The following RRP15 variants were observed in gnomAD, a reference collection of about 807,000 sequenced individuals.
The protein encoded by RRP15 is RRP15-like protein.
Under a neutral mutation model 27.1 loss-of-function variants are expected in RRP15, and 18 were observed. That is an observed-to-expected ratio of 0.66 (90% CI 0.46 to 0.98). RRP15 has a LOEUF of 0.98. Among genes scored for constraint, RRP15 ranks in the 50% least tolerant of loss-of-function variants. RRP15 has a pLI of 0.00. For synonymous variants in RRP15, 107 were observed against 109.4 expected, an observed-to-expected ratio of 0.98 and a Z score of 0.14; for missense variants, 359 against 337.8, an observed-to-expected ratio of 1.06 and a Z score of -0.49.
At position 218,307,648 on chromosome 1, in the gene RRP15, T is replaced by A; in HGVS notation, c.705+16T>A. 1 of 1,565,610 alleles carries A rather than the reference T, an allele frequency of 6.4e-7. No homozygotes were observed. Among genetic ancestry groups the A allele is most frequent in the Non-Finnish European group, 8.8e-7 (1 of 1,138,262 alleles). The stretch of plus-strand genomic sequence containing the variant: ...AGCCAAACAGGTAAAAACTTTTCTA[T>A]AGGATTCAGTGTATCAGACTTTCAG... On this transcript the variant is annotated intron_variant, in intron 4 of 4. Coordinates refer to ENST00000366932, the MANE Select transcript of RRP15 (RefSeq NM_016052.4).
intron 3 of RRP15, 132 bp from the exon 4 acceptor site, chr1:218,307,299 G>T: frequency 4.5e-6 from 3 of 659,952 alleles, no homozygotes; most frequent in South Asian, 2.3e-5. Flanking sequence ...CACTTATCCC[G>T]TTCTTTCCTT....
chr1:218,288,398 G>C (rs1402562232), intron 1 of RRP15, among the ~76,000 whole-genome samples: 1 of 152,186 alleles, frequency 6.6e-6, no homozygotes, highest in Admixed American at 6.5e-5. Context: ...AATAACAATA[G>C]TTATACTTTT....
Position 218,307,613 on chromosome 1 carries a change from A to G in RRP15, c.686A>G (p.Lys229Arg). ...ACAAATGAGACTGCTTCAAGCAGGA[A>G]GAAACCAAAAGCCAAACAGGTAAAA... ...GSTNETASSR[K>R]KPKAKQTEVK... The change falls in exon 4 of 5, where the codon AAG becomes AGG. Residue 229 changes from lysine (K) to arginine (R), a missense_variant. Lys to Arg is a conservative substitution (Grantham distance 26). Coordinates refer to ENST00000366932, the MANE Select transcript of RRP15 (RefSeq NM_016052.4). 1 of 1,613,628 alleles carries G rather than the reference A, an allele frequency of 6.2e-7. No individual in the cohort carries two copies. The highest frequency in any genetic ancestry group is 8.5e-7 in the Non-Finnish European group (1 of 1,179,744).
At chr1:218,305,271 A>G (rs1318486944) in intron 3 of RRP15, 146 bp downstream of exon 3, 1 of 595,504 alleles carries the variant, frequency 1.7e-6, no homozygotes, top group East Asian at 3.0e-5. Flanking sequence ...ACTGAATTCA[A>G]CCAAAGATTT....
intron 1 of RRP15, among the ~76,000 whole-genome samples, chr1:218,291,207 G>C (rs1354394232): frequency 6.6e-6 from 1 of 151,986 alleles, no homozygotes; most frequent in African/African-American, 2.4e-5. Flanking sequence ...GGAGGCCAAG[G>C]TGGGCAGATC....
intron 1 of RRP15, among the ~76,000 whole-genome samples, chr1:218,297,086 G>T (rs557136992): frequency 6.6e-6 from 1 of 152,288 alleles, no homozygotes; most frequent in Admixed American, 6.5e-5. Context: ...ACCCAGTGAA[G>T]TAGTTACTGT....
intron 4 of RRP15, among the ~76,000 whole-genome samples, chr1:218,329,260 A>G (rs1335324992): frequency 6.8e-6 from 1 of 146,926 alleles, no homozygotes; most frequent in Non-Finnish European, 1.5e-5. Context: ...AAAAAAAAAA[A>G]AAAAAAAAAA....
rs1196435282 is a variant in RRP15, at chr1:218,337,730, AAC to A, written c.*6641_*6642del. The A allele has an allele frequency of 6.6e-6, 1 of 152,154 alleles. No individual in the cohort carries two copies. The highest frequency in any genetic ancestry group is 6.5e-5 in the Admixed American group (1 of 15,270). The allele number at this position is 152,154 out of a possible 1,614,324, so 9.4% of individuals were successfully genotyped here. A position where few individuals can be genotyped will look rare whatever the true frequency, so the allele number is the denominator to read the frequency against. ...ATCCTGACATTTAATGAGACACTAA[AAC>A]AGTTTTTATTTTTTGCTTACTTATT... On this transcript the variant is annotated 3_prime_UTR_variant, in exon 5 of 5. Transcript: ENST00000366932.
chr1:218,334,829 G>C lies in RRP15; in HGVS notation c.*3738G>C, dbSNP rs1042459905. On this transcript the variant is annotated 3_prime_UTR_variant, in exon 5 of 5. Transcript: ENST00000366932. ...GAGAACTACTTCGTGCCTATAAAAA[G>C]CTCTCTCACTCCTTCCCCAAGAAAA... 3 of 152,118 alleles carry C rather than the reference G, an allele frequency of 2.0e-5. No individual in the cohort carries two copies. The highest frequency in any genetic ancestry group is 7.2e-5 in the African/African-American group (3 of 41,430). The allele number at this position is 152,118 out of a possible 1,614,324, so 9.4% of individuals were successfully genotyped here. A position where few individuals can be genotyped will look rare whatever the true frequency, so the allele number is the denominator to read the frequency against.
At chr1:218,311,808 C>A (rs142219223) in intron 4 of RRP15, among the ~76,000 whole-genome samples, 1 of 152,106 alleles carries the variant, frequency 6.6e-6, no homozygotes, top group Non-Finnish European at 1.5e-5. Flanking sequence ...TATGTTGGCC[C>A]GATAGATGGC....
chr1:218,285,294 G>A lies in RRP15; in HGVS notation c.-23G>A, dbSNP rs760126291. 1 of 1,612,532 alleles carries A rather than the reference G, an allele frequency of 6.2e-7. No homozygotes were observed. The highest frequency in any genetic ancestry group is 8.5e-7 in the Non-Finnish European group (1 of 1,179,500). ...TGGTTGCCACCGGACGCAACTGTCA[G>A]GTGACGCTTCCGGCGCAGAAAAATG... On this transcript the variant is annotated 5_prime_UTR_variant, in exon 1 of 5. Transcript: ENST00000366932.
chr1:218,285,577 A>AG, intron 1 of RRP15, 122 bp downstream of exon 1: 1 of 1,297,716 alleles, frequency 7.7e-7, no homozygotes, highest in South Asian at 1.3e-5. Flanking sequence ...ACCACTTCAG[A>AG]GGGGCGACTT....
chr1:218,303,726 T>G (rs1005769216), intron 2 of RRP15, among the ~76,000 whole-genome samples: 3 of 152,236 alleles, frequency 2.0e-5, no homozygotes, highest in Non-Finnish European at 4.4e-5. Flanking sequence ...GAGATGATAC[T>G]GTCTCCATAA....
intron 1 of RRP15, among the ~76,000 whole-genome samples, chr1:218,294,188 A>G (rs1655686246): frequency 6.6e-6 from 1 of 152,102 alleles, no homozygotes; most frequent in Non-Finnish European, 1.5e-5. Context: ...ATCACAGAAG[A>G]CTTCTGTGAT....
intron 1 of RRP15, among the ~76,000 whole-genome samples, chr1:218,290,169 A>G (rs934925762): frequency 3.3e-5 from 5 of 152,210 alleles, no homozygotes; most frequent in African/African-American, 9.7e-5. Context: ...AAAAAAATCA[A>G]TGAAAAAGAG....
Position 218,302,378 on chromosome 1 carries a change from A to C in RRP15, c.224A>C (p.Asp75Ala). 1 of 1,614,090 alleles carries C rather than the reference A, an allele frequency of 6.2e-7. No individual in the cohort carries two copies. The highest frequency in any genetic ancestry group is 8.5e-7 in the Non-Finnish European group (1 of 1,180,002). Reference sequence around the variant, plus strand: ...AGTGAGGGTGATGCTGAGCCCTGTGACAAAGAAAATGAAAATGATGGAGAA... The same window carrying C: ...AGTGAGGGTGATGCTGAGCCCTGTGCCAAAGAAAATGAAAATGATGGAGAA... Reference protein sequence around the residue: ...ADSEGDAEPCDKENENDGESS... With the variant: ...ADSEGDAEPCAKENENDGESS... Residue 75 changes from aspartate (D) to alanine (A), a missense_variant, in exon 2 of 5, where the codon GAC becomes GCC. Transcript: ENST00000366932.
chr1:218,320,920 G>A (rs1009137000), intron 4 of RRP15, among the ~76,000 whole-genome samples: 3 of 152,200 alleles, frequency 2.0e-5, no homozygotes, highest in Middle Eastern at 6.8e-3. Context: ...AATGAAAACT[G>A]AACTTTCTTG....
chr1:218,311,745 G>A (rs1330745345), intron 4 of RRP15, among the ~76,000 whole-genome samples: 1 of 152,132 alleles, frequency 6.6e-6, no homozygotes, highest in Admixed American at 6.5e-5. Context: ...TTTAGTGATG[G>A]CACAGTTTTC....
Position 218,307,544 on chromosome 1 carries a change from C to T in RRP15, c.617C>T (p.Ser206Phe). 6.2e-7 allele frequency: 1 copy of T among 1,613,768 alleles called. No homozygotes were observed. Among genetic ancestry groups the T allele is most frequent in the Non-Finnish European group, 8.5e-7 (1 of 1,179,830 alleles). ...RKRAKLISTVSKKDFISVLRG... is the reference protein window; with the variant it reads ...RKRAKLISTVFKKDFISVLRG... ...CGTGCTAAGTTGATATCAACTGTTT[C>T]CAAGAAAGATTTCATCAGTGTTTTG... Residue 206 changes from serine to phenylalanine, a missense_variant, in exon 4 of 5, where the codon TCC becomes TTC. By Grantham distance (155) the Ser-to-Phe change is radical (BLOSUM62 -2). Transcript: ENST00000366932.
Sources: allele counts gnomAD v4.1 joint callset (sites outside exome capture counted in the v4.1 genomes callset), GRCh38; gene constraint gnomAD v4.1.1; transcripts MANE v1.5; gene names NCBI Gene and HGNC (gene_info 2026-07-23, HGNC 2026-07-21).